LIN7A: variants seen among roughly 807,000 people sequenced by gnomAD.
LIN7A encodes the protein protein lin-7 homolog A.
LIN7A carries 25 observed loss-of-function variants against 29.8 expected under a neutral mutation model. The observed-to-expected ratio is 0.84, with a 90% CI of 0.61 to 1.17. The LOEUF is 1.17. LIN7A is among the 50% of genes most tolerant of loss of function. The pLI is 0.00. For synonymous variants in LIN7A, 118 were observed against 107.5 expected (o/e 1.10, Z -0.60); for missense variants, 239 against 287.0 (o/e 0.83, Z 1.21).
intron 1 of LIN7A, among the ~76,000 whole-genome samples, chr12:80,930,977 C>T (rs945400077): frequency 6.6e-6 from 1 of 152,146 alleles, no homozygotes; most frequent in Non-Finnish European, 1.5e-5. Flanking sequence ...TAAACAAACC[C>T]GACATGGTCT....
At chr12:80,881,926 T>C (rs1333070310) in intron 2 of LIN7A, among the ~76,000 whole-genome samples, 1 of 152,166 alleles carries the variant, frequency 6.6e-6, no homozygotes, top group African/African-American at 2.4e-5. Flanking sequence ...CCATCAACTA[T>C]TGGGTGGTAA....
chr12:80,895,432 G>A (rs1313533887), intron 1 of LIN7A, among the ~76,000 whole-genome samples: 3 of 152,038 alleles, frequency 2.0e-5, no homozygotes, highest in African/African-American at 2.4e-5. Context: ...GACTTATGAC[G>A]CATCCAAAGC....
chr12:80,854,829 A>G (rs935484462), intron 2 of LIN7A, among the ~76,000 whole-genome samples: 2 of 152,160 alleles, frequency 1.3e-5, no homozygotes, highest in African/African-American at 4.8e-5. Context: ...TATTTTAAAG[A>G]GATGAAAATA....
At chr12:80,868,022 G>A (rs1454613577) in intron 2 of LIN7A, among the ~76,000 whole-genome samples, 4 of 152,172 alleles carry the variant, frequency 2.6e-5, no homozygotes, top group African/African-American at 9.7e-5. Context: ...TTACTACACT[G>A]ACAGCAAAGC....
At chr12:80,931,958 TCTTC>T (rs1417557785) in intron 1 of LIN7A, among the ~76,000 whole-genome samples, 1 of 152,232 alleles carries the variant, frequency 6.6e-6, no homozygotes, top group Non-Finnish European at 1.5e-5. Flanking sequence ...TTATTTTCCT[TCTTC>T]CTTAATCTTT....
At position 80,927,375 on chromosome 12, in the gene LIN7A, T is replaced by G. The variant is rs539622880; in HGVS notation, c.82+10266A>C. Among the ~76,000 whole-genome samples, 18 of 152,212 alleles carry G rather than the reference T, an allele frequency of 1.2e-4. No individual in the cohort carries two copies. In the South Asian group the frequency reaches 1.9e-3, roughly 16 times the overall value. On this transcript the variant is annotated intron_variant, in intron 1 of 5. Coordinates refer to ENST00000552864, the MANE Select transcript of LIN7A (RefSeq NM_004664.4). ...ACGGGGTTTCACCGTGGTCTGGAGC[T>G]CCTGACCTCGTGATCTGCCCGCCTT...
At chr12:80,906,218 G>A (rs1350632285) in intron 1 of LIN7A, among the ~76,000 whole-genome samples, 1 of 152,070 alleles carries the variant, frequency 6.6e-6, no homozygotes, top group East Asian at 1.9e-4. Flanking sequence ...TTTGTCACTG[G>A]GTGTGACAGT....
chr12:80,935,497 C>G (rs901973965), intron 1 of LIN7A, among the ~76,000 whole-genome samples: 2 of 152,172 alleles, frequency 1.3e-5, no homozygotes, highest in African/African-American at 2.4e-5. Context: ...GAGTGAGTAT[C>G]AGAGTTGCAG....
intron 2 of LIN7A, among the ~76,000 whole-genome samples, chr12:80,885,004 T>A (rs1233904702): frequency 6.6e-6 from 1 of 152,120 alleles, no homozygotes; most frequent in African/African-American, 2.4e-5. Flanking sequence ...ATTTTTAATT[T>A]TTTTATTACT....
chr12:80,899,626 G>T (rs1273497269), intron 1 of LIN7A, among the ~76,000 whole-genome samples: 1 of 151,810 alleles, frequency 6.6e-6, no homozygotes, highest in African/African-American at 2.4e-5. Flanking sequence ...GGCTTTTTCT[G>T]GTTGGTATGC....
intron 1 of LIN7A, among the ~76,000 whole-genome samples, chr12:80,905,369 T>C (rs940167677): frequency 6.6e-6 from 1 of 152,166 alleles, no homozygotes; most frequent in African/African-American, 2.4e-5. Flanking sequence ...TTAATTTTGT[T>C]ATACATTGGT....
At chr12:80,812,450 T>TAAAA (rs199686456) in intron 4 of LIN7A, among the ~76,000 whole-genome samples, 1 of 131,540 alleles carries the variant, frequency 7.6e-6, no homozygotes, top group African/African-American at 2.7e-5. Flanking sequence ...TCAAACACTG[T>TAAAA]AAAAAAAAAA....
chr12:80,889,568 A>T (rs188358202), intron 1 of LIN7A, among the ~76,000 whole-genome samples, 199 bp from the exon 2 acceptor site: 128 of 152,274 alleles, frequency 8.4e-4, no homozygotes, highest in Non-Finnish European at 1.7e-3. Flanking sequence ...CTGTCACTTC[A>T]TACATTTTCT....
intron 2 of LIN7A, among the ~76,000 whole-genome samples, chr12:80,853,727 C>A (rs922442852): frequency 4.3e-4 from 66 of 151,890 alleles, no homozygotes; most frequent in African/African-American, 1.6e-3. Context: ...GACGGAGTCT[C>A]ACTCTGTCAC....
Position 80,796,570 on chromosome 12 carries a change from T to C in LIN7A, c.*1157A>G, listed in dbSNP as rs575910955. On this transcript the variant is annotated 3_prime_UTR_variant, in exon 6 of 6. Transcript: ENST00000552864. Reference sequence around the variant, plus strand: ...AGGAAGCAGCATCTGCCATTCACAATATTGATATCACTGGTTTCCACCTGC... The same window carrying C: ...AGGAAGCAGCATCTGCCATTCACAACATTGATATCACTGGTTTCCACCTGC... 6.6e-6 allele frequency: 1 copy of C among 152,212 alleles called. No homozygotes were observed. Among genetic ancestry groups the C allele is most frequent in the South Asian group, 2.1e-4 (1 of 4,828 alleles). 9.4% of individuals were successfully genotyped at this position (152,212 alleles called of 1,614,324 possible). A position where few individuals can be genotyped will look rare whatever the true frequency, so the allele number is the denominator to read the frequency against.
chr12:80,856,463 G>A (rs934461000), intron 2 of LIN7A, among the ~76,000 whole-genome samples: 19 of 152,204 alleles, frequency 1.2e-4, no homozygotes, highest in African/African-American at 3.9e-4. Flanking sequence ...AGGTCTTGGA[G>A]AGGAAGCATT....
intron 2 of LIN7A, among the ~76,000 whole-genome samples, chr12:80,863,609 G>C (rs1171110478): frequency 6.6e-6 from 1 of 152,220 alleles, no homozygotes; most frequent in African/African-American, 2.4e-5. Context: ...AAGAGAGAAA[G>C]AAGACTCATA....
intron 1 of LIN7A, among the ~76,000 whole-genome samples, chr12:80,894,799 A>G (rs1474761214): frequency 6.6e-6 from 1 of 152,220 alleles, no homozygotes; most frequent in Non-Finnish European, 1.5e-5. Context: ...GTCAGAGCTT[A>G]CTTGTCTTAC....
intron 2 of LIN7A, among the ~76,000 whole-genome samples, chr12:80,876,742 A>G (rs759926875): frequency 2.6e-5 from 4 of 152,222 alleles, no homozygotes; most frequent in Non-Finnish European, 5.9e-5. Flanking sequence ...TGTTGGAGGT[A>G]ATATGGATCC....
Sources: gnomAD v4.1 joint callset for allele counts (sites outside exome capture counted in the v4.1 genomes callset) on GRCh38, gnomAD v4.1.1 for gene constraint, MANE v1.5 for transcripts, NCBI Gene and HGNC (gene_info 2026-07-23, HGNC 2026-07-21) for gene names.